The following TMEM117 variants were observed in gnomAD, a reference collection of about 807,000 sequenced individuals.
The protein encoded by TMEM117 is transmembrane protein 117.
TMEM117 carries 27 observed loss-of-function variants against 52.4 expected under a neutral mutation model. The observed-to-expected ratio is 0.51, with a 90% CI of 0.38 to 0.71. TMEM117 has a LOEUF of 0.71. TMEM117 is among the 30% of genes least tolerant of loss of function. The pLI is 0.00. For missense variants in TMEM117, 556 were observed against 630.5 expected (o/e 0.88, Z 1.26); for synonymous variants, 215 against 206.3 (o/e 1.04, Z -0.36).
intron 3 of TMEM117, among the ~76,000 whole-genome samples, chr12:44,065,083 T>C (rs774185145): frequency 2.2e-4 from 34 of 152,184 alleles, no homozygotes; most frequent in Admixed American, 2.2e-3. Context: ...AAAATTAATA[T>C]GTAAGAATAA....
chr12:43,818,524 T>A, the TMEM117 span, among the ~76,000 whole-genome samples: 2 of 152,002 alleles, frequency 1.3e-5, no homozygotes, highest in Non-Finnish European at 2.9e-5. Context: ...CACTGCAATC[T>A]CCGCCTCCCG....
intron 4 of TMEM117, among the ~76,000 whole-genome samples, chr12:44,151,663 A>T (rs1353468106): frequency 6.6e-6 from 1 of 150,840 alleles, no homozygotes; most frequent in Non-Finnish European, 1.5e-5. Context: ...CAATGATATA[A>T]TGAAATGAGA....
chr12:43,826,434 G>A, the TMEM117 span, among the ~76,000 whole-genome samples: 1 of 152,166 alleles, frequency 6.6e-6, no homozygotes, highest in African/African-American at 2.4e-5. Flanking sequence ...TGGGACTGCT[G>A]CTTCAAACAG....
At chr12:44,256,291 C>G (rs1279034642) in intron 5 of TMEM117, among the ~76,000 whole-genome samples, 2 of 151,704 alleles carry the variant, frequency 1.3e-5, no homozygotes, top group African/African-American at 4.8e-5. Context: ...CTTTTGCCTG[C>G]TTTTTTATTG....
chr12:43,844,836 T>C lies in TMEM117; in HGVS notation c.185T>C (p.Val62Ala), dbSNP rs763929539. The C allele has an allele frequency of 2.5e-6, 4 of 1,614,094 alleles. No homozygotes were observed. Among genetic ancestry groups the C allele is most frequent in the Non-Finnish European group, 1.7e-6 (2 of 1,179,996 alleles). ...SFVTNKYPRG[V>A]GWRILKVLLW... ...GTTACAAATAAATACCCTAGAGGAG[T>C]TGGCTGGAGGATTTTGAAGGTGCTT... Residue 62 changes from valine to alanine, a missense_variant, in exon 2 of 8, where the codon GTT (valine) becomes GCT (alanine). By Grantham distance (64) the Val-to-Ala change is moderately conservative. Around this residue, in one of 3 missense-constraint regions of TMEM117, gnomAD observed 328 missense variants for 371.4 expected, o/e 0.88. Coordinates refer to ENST00000266534, the MANE Select transcript of TMEM117 (RefSeq NM_032256.3).
chr12:44,235,459 T>C (rs943670721), intron 5 of TMEM117, among the ~76,000 whole-genome samples: 3 of 151,690 alleles, frequency 2.0e-5, no homozygotes, highest in African/African-American at 7.2e-5. Flanking sequence ...CATCTAAATT[T>C]GTATTTTAAT....
At chr12:44,370,223 A>G (rs1951843728) in intron 6 of TMEM117, among the ~76,000 whole-genome samples, 1 of 152,058 alleles carries the variant, frequency 6.6e-6, no homozygotes, top group African/African-American at 2.4e-5. Flanking sequence ...AACTCTCCAA[A>G]CATTTACTGC....
chr12:43,955,533 G>T (rs189582185), intron 3 of TMEM117, among the ~76,000 whole-genome samples: 32 of 152,138 alleles, frequency 2.1e-4, no homozygotes, highest in African/African-American at 7.5e-4. Context: ...GAATGAACTC[G>T]CATTCACAAT....
intron 5 of TMEM117, among the ~76,000 whole-genome samples, chr12:44,239,799 A>G (rs1950040231): frequency 6.6e-6 from 1 of 152,060 alleles, no homozygotes; most frequent in African/African-American, 2.4e-5. Flanking sequence ...GCTCTCATAC[A>G]CTAAAGAGTG....
chr12:44,278,638 T>G (rs1264372377), intron 5 of TMEM117, among the ~76,000 whole-genome samples: 1 of 152,178 alleles, frequency 6.6e-6, no homozygotes, highest in African/African-American at 2.4e-5. Flanking sequence ...TACTTAAAAA[T>G]CAATCAATGG....
At chr12:43,859,444 G>A (rs1943451626) in intron 2 of TMEM117, among the ~76,000 whole-genome samples, 1 of 152,106 alleles carries the variant, frequency 6.6e-6, no homozygotes, top group East Asian at 1.9e-4. Flanking sequence ...ATGATAGGAA[G>A]CCATGGAGCA....
the TMEM117 span, among the ~76,000 whole-genome samples, chr12:43,817,315 A>G: frequency 1.3e-5 from 2 of 152,240 alleles, no homozygotes; most frequent in Non-Finnish European, 2.9e-5. Context: ...TTTTGAAAAC[A>G]TAGTGATTGA....
At chr12:44,199,243 G>A (rs570978149) in intron 4 of TMEM117, among the ~76,000 whole-genome samples, 155 of 152,068 alleles carry the variant, frequency 1.0e-3, no homozygotes, top group Admixed American at 4.3e-3. Context: ...TTCCATGGGC[G>A]GTAAAAGTTC....
chr12:44,190,614 C>T (rs536478278), intron 4 of TMEM117, among the ~76,000 whole-genome samples: 1 of 152,016 alleles, frequency 6.6e-6, no homozygotes, highest in African/African-American at 2.4e-5. Flanking sequence ...AGATTTACAG[C>T]TCCTTATTCA....
chr12:43,821,919 T>A, the TMEM117 span, among the ~76,000 whole-genome samples: 2 of 152,238 alleles, frequency 1.3e-5, no homozygotes, highest in Non-Finnish European at 2.9e-5. Context: ...TTCTAAGGTG[T>A]CAGCCATGAT....
intron 5 of TMEM117, among the ~76,000 whole-genome samples, chr12:44,265,831 C>T (rs963027895): frequency 2.6e-5 from 4 of 152,030 alleles, no homozygotes; most frequent in Admixed American, 6.6e-5. Context: ...CTGGATATTT[C>T]GATAAATAGA....
Position 44,388,555 on chromosome 12 carries a change from C to G in TMEM117, c.1428C>G (p.Ile476Met), listed in dbSNP as rs1157766741. 6.2e-7 allele frequency: 1 copy of G among 1,613,400 alleles called. No homozygotes were observed. Among genetic ancestry groups the G allele is most frequent in the African/African-American group, 1.3e-5 (1 of 74,880 alleles). Residue 476 changes from isoleucine (I) to methionine (M), a missense_variant, in exon 8 of 8, where the codon ATC becomes ATG. Around this residue, in one of 3 missense-constraint regions of TMEM117, gnomAD observed 206 missense variants for 211.1 expected, o/e 0.98. Coordinates refer to ENST00000266534, the MANE Select transcript of TMEM117 (RefSeq NM_032256.3). ...GCATCAGGTCTGACTTCAATGAGAT[C>G]GTCTACAAGTCTTCCCACCTAACCT... ...LVCIRSDFNE[I>M]VYKSSHLTSE...
chr12:44,368,814 T>C (rs1269558271), intron 6 of TMEM117, among the ~76,000 whole-genome samples: 1 of 152,184 alleles, frequency 6.6e-6, no homozygotes, highest in East Asian at 1.9e-4. Flanking sequence ...CTAATAACTT[T>C]GTTCCACTAG....
intron 3 of TMEM117, among the ~76,000 whole-genome samples, chr12:43,963,025 AT>A (rs1009618706): frequency 1.3e-5 from 2 of 151,908 alleles, no homozygotes; most frequent in Admixed American, 6.6e-5. Flanking sequence ...AATTATATAT[AT>A]ATCACATATA....
Sources: allele counts gnomAD v4.1 joint callset (sites outside exome capture counted in the v4.1 genomes callset), GRCh38; gene constraint gnomAD v4.1.1; regional missense constraint gnomAD v4.1.1; transcripts MANE v1.5; gene names NCBI Gene and HGNC (gene_info 2026-07-23, HGNC 2026-07-21).